SMIM36: variants seen among roughly 807,000 people sequenced by gnomAD.
SMIM36 encodes small integral membrane protein 36.
chr17:55,525,951 C>T, the SMIM36 span, among the ~76,000 whole-genome samples: 1 of 151,984 alleles, frequency 6.6e-6, no homozygotes, highest in Admixed American at 6.6e-5. Flanking sequence ...AGCCACCACA[C>T]CAATTACAGA....
chr17:55,499,774 C>T (rs1909875245), intron 1 of SMIM36, among the ~76,000 whole-genome samples: 1 of 152,146 alleles, frequency 6.6e-6, no homozygotes. Flanking sequence ...ACATAAACCT[C>T]TTGGTTCTAG....
At chr17:55,472,594 C>A (rs112064797) in intron 3 of SMIM36, among the ~76,000 whole-genome samples, 22 of 152,298 alleles carry the variant, frequency 1.4e-4, no homozygotes, top group African/African-American at 5.3e-4. Flanking sequence ...CTATGCTGGC[C>A]GGGCTTGGTG....
intron 4 of SMIM36, among the ~76,000 whole-genome samples, chr17:55,455,415 G>C (rs1011325281): frequency 7.1e-6 from 1 of 141,180 alleles, no homozygotes; most frequent in African/African-American, 2.7e-5. Flanking sequence ...TACATTCTTA[G>C]CTTTGTGCTT....
chr17:55,493,079 C>G (rs1909741094), intron 1 of SMIM36, among the ~76,000 whole-genome samples: 1 of 152,146 alleles, frequency 6.6e-6, no homozygotes, highest in South Asian at 2.1e-4. Context: ...GGCCTCAGCC[C>G]CCTGTTAAGC....
chr17:55,457,924 A>G (rs752112939), intron 4 of SMIM36, among the ~76,000 whole-genome samples: 13 of 152,190 alleles, frequency 8.5e-5, no homozygotes, highest in Non-Finnish European at 1.5e-4. Flanking sequence ...CATTAATCCA[A>G]AGGATGATGC....
At chr17:55,481,613 A>T (rs765196617) in intron 1 of SMIM36, among the ~76,000 whole-genome samples, 1 of 152,174 alleles carries the variant, frequency 6.6e-6, no homozygotes, top group Non-Finnish European at 1.5e-5. Context: ...AGCTAAGAAA[A>T]ATTTATATCT....
At chr17:55,461,811 G>A (rs1458186730) in intron 4 of SMIM36, among the ~76,000 whole-genome samples, 2 of 152,158 alleles carry the variant, frequency 1.3e-5, no homozygotes, top group Non-Finnish European at 1.5e-5. Flanking sequence ...CCCACCAGTG[G>A]TGGTATTGAA....
At chr17:55,474,082 A>G (rs772543962) in intron 3 of SMIM36, among the ~76,000 whole-genome samples, 5 of 152,062 alleles carry the variant, frequency 3.3e-5, no homozygotes, top group South Asian at 2.1e-4. Context: ...GGACCCCCTT[A>G]GAGTTGTAAG....
At chr17:55,460,455 A>AAC (rs1555620082) in intron 4 of SMIM36, among the ~76,000 whole-genome samples, 1,536 of 148,608 alleles carry the variant, frequency 0.01, 27 homozygotes, top group Middle Eastern at 0.032. Flanking sequence ...AACAAAACAA[A>AAC]AAAAAAGAAC....
chr17:55,462,379 G>A (rs1213582732), intron 4 of SMIM36, among the ~76,000 whole-genome samples: 6 of 152,194 alleles, frequency 3.9e-5, no homozygotes, highest in Non-Finnish European at 7.3e-5. Context: ...GGGAGGCCAA[G>A]GCAGGAGGAT....
chr17:55,512,890 G>T (rs764510618), upstream of SMIM36, among the ~76,000 whole-genome samples: 2 of 152,170 alleles, frequency 1.3e-5, no homozygotes, highest in East Asian at 3.8e-4. Context: ...GCTTCAATGG[G>T]CTAGTGTCTT....
chr17:55,450,259 G>T (rs1023890934), exon 5 of SMIM36: 7 of 152,150 alleles, frequency 4.6e-5, no homozygotes, highest in African/African-American at 1.4e-4. Context: ...TTCGGAGGGA[G>T]TACAGCCCCT....
At chr17:55,466,363 G>A (rs908796972) in intron 4 of SMIM36, among the ~76,000 whole-genome samples, 13 of 151,858 alleles carry the variant, frequency 8.6e-5, no homozygotes, top group Admixed American at 2.6e-4. Flanking sequence ...GTTTGGGAGC[G>A]GCTGGAGTCT....
chr17:55,518,993 GT>G, the SMIM36 span, among the ~76,000 whole-genome samples: 7,443 of 143,046 alleles, frequency 0.052, 543 homozygotes, highest in African/African-American at 0.17. Context: ...TGATATTTGG[GT>G]TTTTTTTTTT....
At position 55,500,905 on chromosome 17, in the gene SMIM36, T is replaced by A. The variant is rs1243384944; in HGVS notation, c.*174+9974A>T. Among the ~76,000 whole-genome samples, 32 of 11,952 alleles carry A rather than the reference T, an allele frequency of 2.7e-3. 6 individuals are homozygous for A. Among genetic ancestry groups the A allele is most frequent in the African/African-American group, 3.7e-3 (3 of 812 alleles). 7.8% of individuals were successfully genotyped at this position (11,952 alleles called of 152,430 possible). A position where few individuals can be genotyped will look rare whatever the true frequency, so the allele number is the denominator to read the frequency against. On this transcript the variant is annotated intron_variant, in intron 1 of 4. Transcript: ENST00000636752. ...ATAATATATATTATAATATATTATA[T>A]TATAATATATTATAATATATTATAT...
At chr17:55,482,601 A>G (rs1909538841) in intron 1 of SMIM36, among the ~76,000 whole-genome samples, 1 of 152,250 alleles carries the variant, frequency 6.6e-6, no homozygotes. Flanking sequence ...CACCTGGCAT[A>G]GTCTTTCACA....
At chr17:55,501,019 G>GTATATTATTTTA (rs1567870727) in intron 1 of SMIM36, among the ~76,000 whole-genome samples, 2 of 4,882 alleles carry the variant, frequency 4.1e-4, no homozygotes, top group African/African-American at 1.5e-3. Context: ...ATTATATTTT[G>GTATATTATTTTA]TAATATATAA....
chr17:55,501,788 C>G (rs868511631), intron 1 of SMIM36, among the ~76,000 whole-genome samples: 2 of 151,316 alleles, frequency 1.3e-5, no homozygotes, highest in Non-Finnish European at 2.9e-5. Context: ...CGCAGAAGAC[C>G]GGTGATTTCT....
At chr17:55,501,887 C>A (rs1023810431) in intron 1 of SMIM36, among the ~76,000 whole-genome samples, 10 of 100,362 alleles carry the variant, frequency 1.0e-4, no homozygotes, top group African/African-American at 5.1e-4. Flanking sequence ...GTGCGCGAGC[C>A]GAAGCAAGGC....
Sources: gnomAD v4.1 joint callset for allele counts (sites outside exome capture counted in the v4.1 genomes callset) on GRCh38, gnomAD v4.1.1 for gene constraint, MANE v1.5 for transcripts, NCBI Gene and HGNC (gene_info 2026-07-23, HGNC 2026-07-21) for gene names.